The following AAMDC variants were observed in gnomAD, a reference collection of about 807,000 sequenced individuals.
AAMDC encodes mth938 domain-containing protein.
Under a neutral mutation model 15.5 loss-of-function variants are expected in AAMDC, and 16 were observed. The observed-to-expected ratio is 1.03, with a 90% CI of 0.70 to 1.57. The LOEUF is 1.57. Ranked by LOEUF, AAMDC falls within the 40% of genes most tolerant of loss-of-function variation. AAMDC has a pLI of 0.00. For missense variants in AAMDC, 141 were observed against 144.9 expected (o/e 0.97, Z 0.14); for synonymous variants, 51 against 51.6 (o/e 0.99, Z 0.05).
intron 1 of AAMDC, among the ~76,000 whole-genome samples, chr11:77,821,859 C>CT (rs904921427): frequency 1.1e-4 from 17 of 152,064 alleles, no homozygotes; most frequent in African/African-American, 4.1e-4. Context: ...TCAGCCAGGC[C>CT]TGAGTCCTAG....
chr11:77,865,453 CA>C (rs1344133839), intron 2 of AAMDC, among the ~76,000 whole-genome samples: 1 of 152,126 alleles, frequency 6.6e-6, no homozygotes, highest in African/African-American at 2.4e-5. Context: ...CTCTAACTTG[CA>C]AGGAAGAGGA....
intron 5 of AAMDC, among the ~76,000 whole-genome samples, chr11:77,883,054 CA>C (rs1313315104): frequency 6.7e-6 from 1 of 148,664 alleles, no homozygotes; most frequent in African/African-American, 2.5e-5. Context: ...CCAGCCTGGG[CA>C]AGAGCAAGAC....
chr11:77,876,627 C>T (rs142020384), downstream of AAMDC, among the ~76,000 whole-genome samples: 446 of 152,222 alleles, frequency 2.9e-3, 2 homozygotes, highest in African/African-American at 0.01. Flanking sequence ...TAGTACAGCC[C>T]GTTCAATTCT....
At chr11:77,829,049 T>C (rs1949303792) in intron 1 of AAMDC, among the ~76,000 whole-genome samples, 1 of 152,196 alleles carries the variant, frequency 6.6e-6, no homozygotes, top group African/African-American at 2.4e-5. Flanking sequence ...CAGATTCATA[T>C]GTTGAAGCCC....
downstream of AAMDC, among the ~76,000 whole-genome samples, chr11:77,901,731 T>C: frequency 6.6e-6 from 1 of 151,938 alleles, no homozygotes; most frequent in Non-Finnish European, 1.5e-5. Context: ...ATAAATTATT[T>C]TGCCTACTTA....
At chr11:77,898,701 A>G (rs1370625663) in intron 5 of AAMDC, among the ~76,000 whole-genome samples, 2 of 152,212 alleles carry the variant, frequency 1.3e-5, no homozygotes, top group Non-Finnish European at 2.9e-5. Context: ...AATGGATGTG[A>G]CAGACACTAT....
intron 5 of AAMDC, among the ~76,000 whole-genome samples, chr11:77,899,777 G>A (rs1952697111): frequency 6.6e-5 from 10 of 152,144 alleles, no homozygotes; most frequent in Middle Eastern, 3.4e-3. Flanking sequence ...TATAATGCTC[G>A]GTGAAAGGAA....
intron 5 of AAMDC, among the ~76,000 whole-genome samples, chr11:77,894,860 A>AT (rs1423554392): frequency 6.6e-6 from 1 of 152,202 alleles, no homozygotes; most frequent in African/African-American, 2.4e-5. Context: ...CAGCCATTGT[A>AT]TCGGCATCTG....
At chr11:77,852,042 CCTT>C (rs1445134372) in intron 2 of AAMDC, among the ~76,000 whole-genome samples, 4 of 151,670 alleles carry the variant, frequency 2.6e-5, no homozygotes, top group African/African-American at 9.7e-5. Context: ...CCTCTTCTCT[CCTT>C]CTCATAATTA....
intron 1 of AAMDC, among the ~76,000 whole-genome samples, chr11:77,824,599 T>G (rs1949083075): frequency 1.3e-5 from 2 of 152,154 alleles, no homozygotes; most frequent in African/African-American, 4.8e-5. Flanking sequence ...AAAAACATGT[T>G]GAGTAAAAGA....
intron 1 of AAMDC, among the ~76,000 whole-genome samples, chr11:77,832,987 GTGTGTGTGTGTA>G (rs1303678064): frequency 3.9e-4 from 10 of 25,434 alleles, no homozygotes; most frequent in East Asian, 1.1e-3. Flanking sequence ...GTGTGTGTGT[GTGTGTGTGTGTA>G]TATATATATA....
intron 1 of AAMDC, among the ~76,000 whole-genome samples, chr11:77,834,197 T>A (rs1035361509): frequency 6.6e-6 from 1 of 152,260 alleles, no homozygotes; most frequent in Non-Finnish European, 1.5e-5. Flanking sequence ...GTAAATTACA[T>A]ATCAACAAAT....
intron 5 of AAMDC, among the ~76,000 whole-genome samples, chr11:77,885,278 T>C (rs1465335417): frequency 6.6e-6 from 1 of 151,922 alleles, no homozygotes; most frequent in Non-Finnish European, 1.5e-5. Context: ...GGTTTCACCA[T>C]GTTGGCCAGG....
intron 5 of AAMDC, among the ~76,000 whole-genome samples, chr11:77,890,251 G>A (rs1438480205): frequency 6.6e-6 from 1 of 152,166 alleles, no homozygotes; most frequent in African/African-American, 2.4e-5. Flanking sequence ...ATTCCTGCTT[G>A]GAAGCCAGAA....
chr11:77,834,603 T>C (rs945100665), intron 1 of AAMDC, among the ~76,000 whole-genome samples: 1 of 152,102 alleles, frequency 6.6e-6, no homozygotes, highest in Non-Finnish European at 1.5e-5. Flanking sequence ...TTGGTACATA[T>C]GGGTTTTCAC....
chr11:77,869,709 T>C lies in AAMDC; in HGVS notation c.133-13T>C. 1 of 1,613,090 alleles carries C rather than the reference T, an allele frequency of 6.2e-7. No individual in the cohort carries two copies. Among genetic ancestry groups the C allele is most frequent in the South Asian group, 1.1e-5 (1 of 91,026 alleles). Reference sequence around the variant, plus strand: ...AGAGCAGGTACCTGTCTACTTTCTCTTTCCACATCCAGCATTCTCCTGGTG... The same window carrying C: ...AGAGCAGGTACCTGTCTACTTTCTCCTTCCACATCCAGCATTCTCCTGGTG... On this transcript the variant is annotated splice_polypyrimidine_tract_variant and intron_variant, in intron 2 of 3. Transcript: ENST00000393427.
chr11:77,866,090 A>G (rs992189149), intron 2 of AAMDC, among the ~76,000 whole-genome samples: 2 of 152,206 alleles, frequency 1.3e-5, no homozygotes, highest in Admixed American at 6.5e-5. Flanking sequence ...GCTACTACCC[A>G]TTTATGCTCA....
At chr11:77,865,401 AGAACATTT>A (rs1366726857) in intron 2 of AAMDC, among the ~76,000 whole-genome samples, 1 of 152,304 alleles carries the variant, frequency 6.6e-6, no homozygotes, top group African/African-American at 2.4e-5. Flanking sequence ...ATCATCTCCT[AGAACATTT>A]GAATTGTAGG....
At chr11:77,848,714 C>T (rs900050509) in intron 2 of AAMDC, among the ~76,000 whole-genome samples, 1 of 152,188 alleles carries the variant, frequency 6.6e-6, no homozygotes, top group Admixed American at 6.5e-5. Context: ...CTTGTGTAGG[C>T]ACAGAGCTAT....
Sources: allele counts gnomAD v4.1 joint callset (sites outside exome capture counted in the v4.1 genomes callset), GRCh38; gene constraint gnomAD v4.1.1; transcripts MANE v1.5; gene names NCBI Gene and HGNC (gene_info 2026-07-23, HGNC 2026-07-21).